ZMAT4: variants seen among roughly 807,000 people sequenced by gnomAD.
ZMAT4 encodes zinc finger matrin-type 4, also known as zinc finger matrin-type protein 4.
In ZMAT4, 17 loss-of-function variants were observed where a neutral mutation model predicts 28.7. That is an observed-to-expected ratio of 0.59 (90% confidence interval 0.41 to 0.89). ZMAT4 has a LOEUF of 0.89. ZMAT4 is among the 40% of genes least tolerant of loss of function. ZMAT4 has a pLI of 0.00. For synonymous variants in ZMAT4, 117 were observed against 109.2 expected, an observed-to-expected ratio of 1.07 and a Z score of -0.44; for missense variants, 240 against 283.8, an observed-to-expected ratio of 0.85 and a Z score of 1.11.
chr8:40,620,152 G>T (rs78831909), intron 5 of ZMAT4, among the ~76,000 whole-genome samples: 1 of 152,126 alleles, frequency 6.6e-6, no homozygotes, highest in African/African-American at 2.4e-5. Flanking sequence ...GCTTACTTAG[G>T]AATGCAGCAG....
rs141140183 is a variant in ZMAT4 at position 40,754,505 on chromosome 8, T to C, written c.192+13136A>G. 8.3e-4 allele frequency among the ~76,000 whole-genome samples: 126 copies of C among 152,324 alleles called. 1 individual carries two copies. The East Asian group carries it at 0.021, about 25-fold the overall frequency. On this transcript the variant is annotated intron_variant, in intron 3 of 6. Coordinates refer to ENST00000297737, the MANE Select transcript of ZMAT4 (RefSeq NM_024645.3). ...AGAAAATCATGTGTAGCTGAAGCAA[T>C]ATGCCATATGTTTCCACCAATGACG...
intron 1 of ZMAT4, among the ~76,000 whole-genome samples, chr8:40,854,262 A>G (rs942075516): frequency 5.3e-5 from 8 of 152,144 alleles, no homozygotes; most frequent in African/African-American, 1.9e-4. Context: ...GTTCTGAACC[A>G]CCATTCTGGA....
At chr8:40,690,630 C>T (rs143809950) in intron 4 of ZMAT4, among the ~76,000 whole-genome samples, 1 of 152,166 alleles carries the variant, frequency 6.6e-6, no homozygotes, top group African/African-American at 2.4e-5. Context: ...ATCTTATATG[C>T]AAATATGAGG....
At chr8:40,648,443 T>C (rs1476695859) in intron 5 of ZMAT4, among the ~76,000 whole-genome samples, 7 of 151,122 alleles carry the variant, frequency 4.6e-5, no homozygotes, top group Admixed American at 4.0e-4. Flanking sequence ...CAAATCTACG[T>C]CTGATTGGTG....
At chr8:40,798,302 C>A (rs573080820) in intron 2 of ZMAT4, among the ~76,000 whole-genome samples, 1 of 152,316 alleles carries the variant, frequency 6.6e-6, no homozygotes, top group Admixed American at 6.5e-5. Context: ...CCTCCCCTGG[C>A]AAACATTTAT....
At chr8:40,594,040 T>C (rs1804999686) in intron 5 of ZMAT4, among the ~76,000 whole-genome samples, 1 of 152,186 alleles carries the variant, frequency 6.6e-6, no homozygotes, top group South Asian at 2.1e-4. Context: ...AAATTTCAGG[T>C]GTGGCCAGTT....
chr8:40,659,751 A>G (rs2118849779), intron 5 of ZMAT4, among the ~76,000 whole-genome samples: 1 of 152,254 alleles, frequency 6.6e-6, no homozygotes, highest in Non-Finnish European at 1.5e-5. Context: ...TTCGTTTCTG[A>G]GAGGAGACTG....
chr8:40,607,850 G>A (rs1304129716), intron 5 of ZMAT4, among the ~76,000 whole-genome samples: 1 of 152,074 alleles, frequency 6.6e-6, no homozygotes, highest in East Asian at 1.9e-4. Flanking sequence ...CTAGTACTGG[G>A]GTGTGTCTGC....
At chr8:40,629,594 C>T (rs1806499878) in intron 5 of ZMAT4, among the ~76,000 whole-genome samples, 1 of 141,412 alleles carries the variant, frequency 7.1e-6, no homozygotes, top group Non-Finnish European at 1.5e-5. Flanking sequence ...GTGTGATGTT[C>T]CTCTTCCTGT....
chr8:40,650,082 G>A (rs959623122), intron 5 of ZMAT4, among the ~76,000 whole-genome samples: 2 of 152,012 alleles, frequency 1.3e-5, no homozygotes, highest in African/African-American at 2.4e-5. Flanking sequence ...AATCAGAGCA[G>A]AACTGAAGGA....
At position 40,661,921 on chromosome 8, in the gene ZMAT4, T is replaced by C. The variant is rs1205446674; in HGVS notation, c.577+12783A>G. Among the ~76,000 whole-genome samples, 7 of 152,306 alleles carry C rather than the reference T, an allele frequency of 4.6e-5. No individual in the cohort carries two copies. In the East Asian group the frequency reaches 1.3e-3, roughly 29 times the overall value. Reference sequence around the variant, plus strand: ...AATTGGTTAGCAGTTTCACATGATATTGTCAGCTTCTTCAATGTAGACAAA... The same window carrying C: ...AATTGGTTAGCAGTTTCACATGATACTGTCAGCTTCTTCAATGTAGACAAA... On this transcript the variant is annotated intron_variant, in intron 5 of 6. Coordinates refer to ENST00000297737, the MANE Select transcript of ZMAT4 (RefSeq NM_024645.3).
chr8:40,635,905 T>C (rs975829655), intron 5 of ZMAT4, among the ~76,000 whole-genome samples: 1 of 152,076 alleles, frequency 6.6e-6, no homozygotes, highest in Non-Finnish European at 1.5e-5. Flanking sequence ...TTAATAAAAG[T>C]TGGAGAGAGG....
intron 2 of ZMAT4, among the ~76,000 whole-genome samples, chr8:40,812,935 A>AAAATAAAATT (rs1254447514): frequency 0.012 from 927 of 78,042 alleles, 16 homozygotes; most frequent in African/African-American, 0.036. Flanking sequence ...CTCCATCTCA[A>AAAATAAAATT]AAATTAAATT....
At chr8:40,565,889 AC>A (rs1437907151) in intron 6 of ZMAT4, among the ~76,000 whole-genome samples, 1 of 150,354 alleles carries the variant, frequency 6.7e-6, no homozygotes, top group Non-Finnish European at 1.5e-5. Flanking sequence ...TGCTAATAGG[AC>A]TCCAGGACCT....
chr8:40,619,113 A>C (rs1194310899), intron 5 of ZMAT4, among the ~76,000 whole-genome samples: 1 of 152,164 alleles, frequency 6.6e-6, no homozygotes, highest in Non-Finnish European at 1.5e-5. Flanking sequence ...AAGGGGCAGG[A>C]CTATTAATTC....
chr8:40,553,061 C>T (rs1418888596), intron 6 of ZMAT4, among the ~76,000 whole-genome samples: 1 of 152,108 alleles, frequency 6.6e-6, no homozygotes, highest in Non-Finnish European at 1.5e-5. Flanking sequence ...AGGTGTGTGA[C>T]TTTGGAGATA....
intron 1 of ZMAT4, among the ~76,000 whole-genome samples, chr8:40,851,093 G>A (rs553802994): frequency 1.2e-4 from 18 of 152,174 alleles, no homozygotes; most frequent in African/African-American, 4.1e-4. Flanking sequence ...TTGGGAGACC[G>A]CGGTAGGCAG....
chr8:40,843,086 T>A (rs1586153291), intron 1 of ZMAT4, among the ~76,000 whole-genome samples: 1 of 152,178 alleles, frequency 6.6e-6, no homozygotes, highest in South Asian at 2.1e-4. Flanking sequence ...CTAAAACACA[T>A]TTTTTAAATG....
intron 1 of ZMAT4, among the ~76,000 whole-genome samples, chr8:40,860,457 T>C (rs1817449234): frequency 6.6e-6 from 1 of 152,212 alleles, no homozygotes; most frequent in South Asian, 2.1e-4. Context: ...AATATAATAT[T>C]CCTTTTCACC....
Sources: gnomAD v4.1 joint callset for allele counts (sites outside exome capture counted in the v4.1 genomes callset) on GRCh38, gnomAD v4.1.1 for gene constraint, MANE v1.5 for transcripts, NCBI Gene and HGNC (gene_info 2026-07-23, HGNC 2026-07-21) for gene names.